AXDND1: variants seen among roughly 807,000 people sequenced by gnomAD.
The protein encoded by AXDND1 is axonemal dynein light chain domain containing 1.
Under a neutral mutation model 137.5 loss-of-function variants are expected in AXDND1, and 110 were observed. That is an observed-to-expected ratio of 0.80 (90% CI 0.69 to 0.94). The LOEUF (loss-of-function observed/expected upper bound fraction) is 0.94. Among genes scored for constraint, AXDND1 ranks in the 40% least tolerant of loss-of-function variants. The pLI is 0.00. For synonymous variants in AXDND1, 414 were observed against 399.7 expected (o/e 1.04, Z -0.43); for missense variants, 1,191 against 1,169.8 (o/e 1.02, Z -0.26).
At position 179,366,472 on chromosome 1, in the gene AXDND1, A is replaced by G. The variant is rs200625562; in HGVS notation, c.-38A>G. On this transcript the variant is annotated 5_prime_UTR_variant, in exon 2 of 26. Transcript: ENST00000367618. ...GTCTAAATTAGCTTTCCGGAGGACT[A>G]TTTCAAATTACTAAAGAGATAGGAG... 1 of 1,539,910 alleles carries G rather than the reference A, an allele frequency of 6.5e-7. No homozygotes were observed. The highest frequency in any genetic ancestry group is 1.4e-5 in the African/African-American group (1 of 73,048).
At chr1:179,436,600 A>C (rs1330636518) in intron 15 of AXDND1, among the ~76,000 whole-genome samples, 2 of 152,192 alleles carry the variant, frequency 1.3e-5, no homozygotes, top group Non-Finnish European at 2.9e-5. Context: ...ACAGAAAACA[A>C]AACACTGCTT....
intron 4 of AXDND1, among the ~76,000 whole-genome samples, chr1:179,373,674 A>G (rs1188300989): frequency 1.3e-5 from 2 of 152,148 alleles, no homozygotes; most frequent in African/African-American, 4.8e-5. Context: ...ATAACACCAC[A>G]CATTTACAAC....
chr1:179,381,943 ATTTTTT>A lies in AXDND1; in HGVS notation c.582-740_582-735del, dbSNP rs71111920. ...TTACAGGCACGCGCCACCACACCTA[ATTTTTT>A]TTTTTTTTTTTTTTTTGTATTTTTA... On this transcript the variant is annotated intron_variant, in intron 6 of 25. Coordinates refer to ENST00000367618, the MANE Select transcript of AXDND1 (RefSeq NM_144696.6). 9.6e-4 allele frequency among the ~76,000 whole-genome samples: 101 copies of A among 105,442 alleles called. No individual in the cohort carries two copies. In the East Asian group the frequency reaches 0.018, roughly 19 times the overall value. 69.2% of individuals were successfully genotyped at this position (105,442 alleles called of 152,430 possible). A position where few individuals can be genotyped will look rare whatever the true frequency, so the allele number is the denominator to read the frequency against.
intron 15 of AXDND1, among the ~76,000 whole-genome samples, 160 bp from the exon 16 acceptor site, chr1:179,444,810 A>G (rs1298223396): frequency 1.3e-5 from 2 of 152,076 alleles, no homozygotes; most frequent in African/African-American, 4.8e-5. Context: ...TTTAATTTAA[A>G]AATAAGATAT....
intron 21 of AXDND1, among the ~76,000 whole-genome samples, chr1:179,524,063 T>TAC (rs1403388019): frequency 6.6e-6 from 1 of 152,226 alleles, no homozygotes; most frequent in Non-Finnish European, 1.5e-5. Context: ...GGTGTATATA[T>TAC]ACCACATTTT....
chr1:179,474,092 G>A (rs1664309507), intron 17 of AXDND1, among the ~76,000 whole-genome samples: 6 of 151,994 alleles, frequency 3.9e-5, no homozygotes, highest in Admixed American at 2.6e-4. Context: ...GGGCGTGGTG[G>A]TGGGTGCCTG....
At chr1:179,456,929 A>G in intron 16 of AXDND1, 10 of 1,354,300 alleles carry the variant, frequency 7.4e-6, no homozygotes, top group Non-Finnish European at 1.0e-5. Context: ...CTCAGTCATG[A>G]TTTCAATCAC....
At chr1:179,482,658 A>G (rs72704408) in intron 17 of AXDND1, among the ~76,000 whole-genome samples, 14,068 of 151,898 alleles carry the variant, frequency 0.093, 914 homozygotes, top group African/African-American at 0.17. Flanking sequence ...TGTTTTTGGA[A>G]CTTCTCCATA....
chr1:179,369,877 C>A (rs1446436450), intron 3 of AXDND1, 98 bp from the exon 4 acceptor site: 3 of 813,220 alleles, frequency 3.7e-6, no homozygotes, highest in Non-Finnish European at 5.9e-6. Flanking sequence ...ACCCAAGTGC[C>A]CTTAATGTAA....
intron 12 of AXDND1, among the ~76,000 whole-genome samples, chr1:179,412,524 C>G (rs749625186): frequency 1.3e-5 from 2 of 152,040 alleles, no homozygotes. Context: ...GCATCCCTGT[C>G]AAGTGTCCTA....
At chr1:179,391,509 TTTTATTTA>T (rs928117591) in intron 9 of AXDND1, among the ~76,000 whole-genome samples, 7 of 150,232 alleles carry the variant, frequency 4.7e-5, no homozygotes, top group Middle Eastern at 6.8e-3. Context: ...GATCTGATGA[TTTTATTTA>T]TTTATTTATT....
intron 18 of AXDND1, among the ~76,000 whole-genome samples, chr1:179,486,139 A>AAAAACT (rs149119239): frequency 0.055 from 4,771 of 87,058 alleles, 405 homozygotes; most frequent in Non-Finnish European, 0.077. Flanking sequence ...AAAAAAAAAA[A>AAAAACT]AACCTGATAG....
intron 12 of AXDND1, among the ~76,000 whole-genome samples, chr1:179,428,028 C>T (rs1656831255): frequency 6.6e-6 from 1 of 151,414 alleles, no homozygotes; most frequent in Admixed American, 6.6e-5. Context: ...AAATGATTCT[C>T]AAAACAATGC....
intron 9 of AXDND1, among the ~76,000 whole-genome samples, chr1:179,386,407 G>GT (rs1180585067): frequency 1.3e-5 from 2 of 151,658 alleles, no homozygotes. Flanking sequence ...ACTTGGTGTA[G>GT]TTTTTTTTCA....
rs188999438 is a variant in AXDND1, at chr1:179,433,956, G to A, written c.1563+1614G>A. On this transcript the variant is annotated intron_variant, in intron 15 of 25. Transcript: ENST00000367618. Reference sequence around the variant, plus strand: ...ATCTGTCTAATATTGACAGTGGGGTGTTAAAGTCTCCCACTACTATTGTGG... The same window carrying A: ...ATCTGTCTAATATTGACAGTGGGGTATTAAAGTCTCCCACTACTATTGTGG... Among the ~76,000 whole-genome samples the A allele has an allele frequency of 7.4e-3, 802 of 108,136 alleles. 9 individuals are homozygous for A. The highest frequency in any genetic ancestry group is 0.027 in the African/African-American group (778 of 29,064). The allele number at this position is 108,136 out of a possible 152,430, so 70.9% of individuals were successfully genotyped here.
At chr1:179,523,207 T>A (rs903255857) in intron 21 of AXDND1, among the ~76,000 whole-genome samples, 1 of 150,214 alleles carries the variant, frequency 6.7e-6, no homozygotes, top group African/African-American at 2.4e-5. Context: ...ATTGTTTTCC[T>A]TGAGTATAGG....
At chr1:179,475,298 A>G (rs1190365442) in intron 17 of AXDND1, among the ~76,000 whole-genome samples, 1 of 152,232 alleles carries the variant, frequency 6.6e-6, no homozygotes, top group Non-Finnish European at 1.5e-5. Context: ...TAGTAGATGC[A>G]TCAACACCTT....
intron 11 of AXDND1, among the ~76,000 whole-genome samples, chr1:179,397,705 T>C (rs1395267119): frequency 6.6e-6 from 1 of 152,220 alleles, no homozygotes; most frequent in Non-Finnish European, 1.5e-5. Context: ...TTTTCTCTAT[T>C]CTTGTCTGAC....
chr1:179,469,766 C>T (rs1187417259), intron 17 of AXDND1, among the ~76,000 whole-genome samples: 1 of 152,040 alleles, frequency 6.6e-6, no homozygotes, highest in Non-Finnish European at 1.5e-5. Flanking sequence ...TTCACATTTC[C>T]CTAATGACAA....
Sources: allele counts gnomAD v4.1 joint callset (sites outside exome capture counted in the v4.1 genomes callset), GRCh38; gene constraint gnomAD v4.1.1; transcripts MANE v1.5; gene names NCBI Gene and HGNC (gene_info 2026-07-23, HGNC 2026-07-21).